ANKRD42: variants seen among roughly 807,000 people sequenced by gnomAD.
The protein encoded by ANKRD42 is ankyrin repeat domain 42.
ANKRD42 carries 43 observed loss-of-function variants against 51.5 expected under a neutral mutation model. The ratio of observed to expected loss-of-function variants is 0.83; its 90% CI spans 0.65 to 1.08. ANKRD42 has a LOEUF of 1.08. Ranked by LOEUF, ANKRD42 falls within the 50% of genes least tolerant of loss-of-function variation. ANKRD42 has a pLI of 0.00. For missense variants in ANKRD42, 608 were observed against 629.3 expected (o/e 0.97, Z 0.36); for synonymous variants, 203 against 213.0 (o/e 0.95, Z 0.41).
chr11:83,198,704 T>G, intron 2 of ANKRD42, 62 bp downstream of exon 2: 8 of 1,455,866 alleles, frequency 5.5e-6, no homozygotes, highest in Non-Finnish European at 7.4e-6. Context: ...TTTGTAAATT[T>G]AGCAAACAGG....
intron 6 of ANKRD42, among the ~76,000 whole-genome samples, chr11:83,226,433 G>T (rs184974328): frequency 1.1e-3 from 165 of 152,250 alleles, no homozygotes; most frequent in African/African-American, 3.9e-3. Flanking sequence ...GGTTACCAAA[G>T]AATTCATAAT....
intron 2 of ANKRD42, among the ~76,000 whole-genome samples, chr11:83,205,573 C>G (rs754458324): frequency 1.3e-5 from 2 of 152,086 alleles, no homozygotes; most frequent in Non-Finnish European, 2.9e-5. Flanking sequence ...TTTGACTTCT[C>G]TCATTTTTTT....
At chr11:83,201,499 G>A (rs1861871079) in intron 2 of ANKRD42, among the ~76,000 whole-genome samples, 1 of 152,024 alleles carries the variant, frequency 6.6e-6, no homozygotes, top group Admixed American at 6.6e-5. Context: ...TAATCCTTTG[G>A]GCATATACCC....
At chr11:83,224,249 C>T (rs1396351372) in intron 5 of ANKRD42, among the ~76,000 whole-genome samples, 2 of 152,000 alleles carry the variant, frequency 1.3e-5, no homozygotes, top group African/African-American at 4.8e-5. Flanking sequence ...TTCTTATTTG[C>T]AGAGTGACTA....
At chr11:83,209,625 A>G in intron 3 of ANKRD42, 1 of 846,592 alleles carries the variant, frequency 1.2e-6, no homozygotes, top group South Asian at 1.3e-5. Context: ...CTACCCAAGA[A>G]GCCAAAGAAA....
At chr11:83,208,492 G>A (rs1862172745) in intron 3 of ANKRD42, among the ~76,000 whole-genome samples, 1 of 152,156 alleles carries the variant, frequency 6.6e-6, no homozygotes, top group Admixed American at 6.5e-5. Context: ...CTAGCAAAGT[G>A]TGTCCAGGAT....
intron 10 of ANKRD42, among the ~76,000 whole-genome samples, chr11:83,246,062 C>T (rs971504570): frequency 6.6e-6 from 1 of 152,180 alleles, no homozygotes; most frequent in Non-Finnish European, 1.5e-5. Context: ...TTGTCTCTGC[C>T]TTTCACTTCC....
intron 10 of ANKRD42, 88 bp downstream of exon 10, chr11:83,245,712 A>G (rs1863522780): frequency 2.2e-6 from 3 of 1,389,660 alleles, no homozygotes; most frequent in Non-Finnish European, 2.9e-6. Flanking sequence ...TTTTACTTTC[A>G]TCTTGCCAAA....
intron 6 of ANKRD42, 114 bp downstream of exon 6, chr11:83,225,169 A>G (rs909006843): frequency 5.0e-6 from 4 of 803,030 alleles, no homozygotes; most frequent in Non-Finnish European, 7.4e-6. Context: ...TATATACGTT[A>G]TATGTAAAAA....
Position 83,243,967 on chromosome 11 carries a change from C to CTTTTTTTT in ANKRD42, c.1196-1509_1196-1502dup, listed in dbSNP as rs66756456. 2.9e-3 allele frequency among the ~76,000 whole-genome samples: 195 copies of CTTTTTTTT among 66,966 alleles called. 17 individuals carry two copies. Among genetic ancestry groups the CTTTTTTTT allele is most frequent in the Non-Finnish European group, 3.0e-3 (115 of 38,950 alleles). 43.9% of individuals were successfully genotyped at this position (66,966 alleles called of 152,430 possible). A position where few individuals can be genotyped will look rare whatever the true frequency, so the allele number is the denominator to read the frequency against. On this transcript the variant is annotated intron_variant, in intron 9 of 10. Coordinates refer to ENST00000533342, the MANE Select transcript of ANKRD42 (RefSeq NM_001300975.2). ...GCGTGAACCACCTCGCCTGGCTGCC[C>CTTTTTTTT]TTTTTTTTTTTTTTTTTTTTTTTTT...
intron 6 of ANKRD42, among the ~76,000 whole-genome samples, 196 bp from the exon 7 acceptor site, chr11:83,227,551 G>A (rs1410611935): frequency 6.6e-6 from 1 of 152,142 alleles, no homozygotes; most frequent in Non-Finnish European, 1.5e-5. Context: ...GAAGTCCTGA[G>A]GGTAAAAGGA....
chr11:83,213,276 G>A, intron 5 of ANKRD42: 1 of 1,595,694 alleles, frequency 6.3e-7, no homozygotes, highest in Admixed American at 1.7e-5. Flanking sequence ...CTGCTGATGT[G>A]CAACAGATCT....
At chr11:83,242,780 G>A (rs895983192) in intron 9 of ANKRD42, among the ~76,000 whole-genome samples, 1 of 152,098 alleles carries the variant, frequency 6.6e-6, no homozygotes, top group African/African-American at 2.4e-5. Flanking sequence ...GATCAGGCTG[G>A]TCTTGAACTC....
intron 9 of ANKRD42, among the ~76,000 whole-genome samples, chr11:83,242,984 GTGAATATAGTA>G (rs2135553469): frequency 6.6e-6 from 1 of 152,302 alleles, no homozygotes; most frequent in Admixed American, 6.5e-5. Flanking sequence ...TGAATATAGT[GTGAATATAGTA>G]TGAATATAGT....
chr11:83,241,189 C>T (rs1283151706), intron 9 of ANKRD42, among the ~76,000 whole-genome samples: 2 of 152,058 alleles, frequency 1.3e-5, no homozygotes, highest in African/African-American at 2.4e-5. Context: ...TTCAGTGGAT[C>T]AAGGAAACAG....
chr11:83,208,137 C>T (rs150485617), intron 3 of ANKRD42, among the ~76,000 whole-genome samples: 11,044 of 152,208 alleles, frequency 0.073, 434 homozygotes, highest in Middle Eastern at 0.14. Flanking sequence ...GATCCTCCCA[C>T]CTCAGCCTCC....
At position 83,248,175 on chromosome 11, in the gene ANKRD42, G is replaced by C; in HGVS notation, c.1555G>C (p.Asp519His). 1.3e-6 allele frequency: 2 copies of C among 1,524,910 alleles called. No homozygotes were observed. Among genetic ancestry groups the C allele is most frequent in the Non-Finnish European group, 1.8e-6 (2 of 1,138,076 alleles). The allele number at this position is 1,524,910 out of a possible 1,614,324, so 94.5% of individuals were successfully genotyped here. The change falls in exon 11 of 11, where the codon GAC becomes CAC. Residue 519 changes from aspartate to histidine, a missense_variant. Physicochemically the swap from Asp to His is moderately conservative, Grantham distance 81. Coordinates refer to ENST00000533342, the MANE Select transcript of ANKRD42 (RefSeq NM_001300975.2). ...ACAAGCTTTGGGCTGGGGCTCTTTG[G>C]ACTTGAATCCTGGCTATAGTCTTTT... ...RVQALGWGSLDLNPGYSLF is the reference protein window; with the variant it reads ...RVQALGWGSLHLNPGYSLF
chr11:83,228,337 C>T (rs1457744014), intron 7 of ANKRD42, among the ~76,000 whole-genome samples: 3 of 144,112 alleles, frequency 2.1e-5, no homozygotes, highest in African/African-American at 7.7e-5. Flanking sequence ...AAGTCATCCT[C>T]CCAAGCTCAG....
Position 83,245,631 on chromosome 11 carries a change from T to G in ANKRD42, c.1322+7T>G. On this transcript the variant is annotated splice_region_variant and intron_variant, in intron 10 of 10. Coordinates refer to ENST00000533342, the MANE Select transcript of ANKRD42 (RefSeq NM_001300975.2). The stretch of plus-strand genomic sequence containing the variant: ...AACAGCTTGAGTCTGAAAAGTAATG[T>G]CCTTAAAACTTTAATGATTTGTTTT... The G allele has an allele frequency of 6.5e-7, 1 of 1,527,680 alleles. No homozygotes were observed. The highest frequency in any genetic ancestry group is 8.7e-7 in the Non-Finnish European group (1 of 1,143,878). 94.6% of individuals were successfully genotyped at this position (1,527,680 alleles called of 1,614,324 possible).
Sources: allele counts gnomAD v4.1 joint callset (sites outside exome capture counted in the v4.1 genomes callset), GRCh38; gene constraint gnomAD v4.1.1; transcripts MANE v1.5; gene names NCBI Gene and HGNC (gene_info 2026-07-23, HGNC 2026-07-21).